The following GRB10 variants were observed in gnomAD, a reference collection of about 807,000 sequenced individuals.
GRB10 encodes growth factor receptor bound protein 10.
Under a neutral mutation model 80.9 loss-of-function variants are expected in GRB10, and 20 were observed. The observed-to-expected ratio is 0.25, with a 90% CI of 0.17 to 0.36. The LOEUF is 0.36. GRB10 is among the 10% of genes least tolerant of loss of function. The probability of loss-of-function intolerance (pLI) is 1.00; values close to 1 mark genes in which losing one functional copy is unlikely to be tolerated. For missense variants in GRB10, 548 were observed against 747.7 expected (o/e 0.73, Z 3.12); for synonymous variants, 291 against 291.5 (o/e 1.00, Z 0.02).
chr7:50,743,411 G>C (rs1393648954), intron 3 of GRB10, among the ~76,000 whole-genome samples: 1 of 152,216 alleles, frequency 6.6e-6, no homozygotes, highest in African/African-American at 2.4e-5. Context: ...TGTTTCAATG[G>C]CTTTGAAACG....
intron 4 of GRB10, among the ~76,000 whole-genome samples, chr7:50,705,658 C>A (rs1351227426): frequency 6.6e-6 from 1 of 152,214 alleles, no homozygotes; most frequent in Non-Finnish European, 1.5e-5. Flanking sequence ...TTATCTTCCA[C>A]ATATTGTGTT....
chr7:50,652,551 T>C (rs1436211673), intron 7 of GRB10, among the ~76,000 whole-genome samples: 2 of 152,038 alleles, frequency 1.3e-5, no homozygotes, highest in Non-Finnish European at 1.5e-5. Flanking sequence ...TTGAGGGAGA[T>C]GGCCATACAG....
chr7:50,701,173 A>G (rs1452595021), intron 5 of GRB10, among the ~76,000 whole-genome samples: 2 of 152,116 alleles, frequency 1.3e-5, no homozygotes, highest in African/African-American at 4.8e-5. Context: ...TCTTTTAGTA[A>G]TTACAGTCAA....
rs2075025628 is a variant in GRB10 at position 50,756,026 on chromosome 7, T to C, written c.-186A>G. On this transcript the variant is annotated 5_prime_UTR_variant, in exon 3 of 19. Transcript: ENST00000401949. Reference sequence around the variant, plus strand: ...CAGTCACTGGGCCTGCAGCTGCTGCTTCCTGCTCAGCATTGTGGTCAGCGC... The same window carrying C: ...CAGTCACTGGGCCTGCAGCTGCTGCCTCCTGCTCAGCATTGTGGTCAGCGC... 1 of 398,740 alleles carries C rather than the reference T, an allele frequency of 2.5e-6. No individual in the cohort carries two copies. Among genetic ancestry groups the C allele is most frequent in the African/African-American group, 2.1e-5 (1 of 48,766 alleles). The allele number at this position is 398,740 out of a possible 1,614,324, so 24.7% of individuals were successfully genotyped here.
intron 2 of GRB10, among the ~76,000 whole-genome samples, chr7:50,767,917 T>C (rs191500831): frequency 5.9e-5 from 9 of 152,250 alleles, no homozygotes; most frequent in Admixed American, 2.0e-4. Context: ...GGGAGACCAG[T>C]TGAGGAAGCA....
chr7:50,610,717 A>G (rs555184002), intron 13 of GRB10, among the ~76,000 whole-genome samples: 2 of 152,218 alleles, frequency 1.3e-5, no homozygotes, highest in Non-Finnish European at 2.9e-5. Context: ...ACAAACAGTA[A>G]AGTGATAAAG....
chr7:50,640,277 G>C (rs1399074374), intron 7 of GRB10, among the ~76,000 whole-genome samples: 2 of 152,218 alleles, frequency 1.3e-5, no homozygotes, highest in Non-Finnish European at 2.9e-5. Flanking sequence ...CCCCAAATGG[G>C]CTATGTGCCA....
chr7:50,749,134 G>T (rs7803430), intron 3 of GRB10, among the ~76,000 whole-genome samples: 36,718 of 137,744 alleles, frequency 0.27, 7,568 homozygotes, highest in African/African-American at 0.54. Flanking sequence ...TTTTTTGTTT[G>T]TTTTTTTTTT....
At chr7:50,672,724 C>T (rs2060493660) in intron 6 of GRB10, among the ~76,000 whole-genome samples, 1 of 152,204 alleles carries the variant, frequency 6.6e-6, no homozygotes, top group African/African-American at 2.4e-5. Context: ...GGCCTTCTGG[C>T]TTTCCAGCCC....
rs962836217 is a variant in GRB10 at position 50,652,829 on chromosome 7, C to T, written c.504+16893G>A. On this transcript the variant is annotated intron_variant, in intron 7 of 18. Transcript: ENST00000401949. ...GCCTCATCCTTTGGCTTATTGCACA[C>T]CAGGTTTAGTTTGACTCAGAATTAT... Among the ~76,000 whole-genome samples the T allele has an allele frequency of 9.9e-5, 15 of 152,282 alleles. No individual in the cohort carries two copies. The East Asian group carries it at 1.4e-3, about 14-fold the overall frequency.
chr7:50,617,540 G>A (rs1480304488), intron 10 of GRB10, among the ~76,000 whole-genome samples: 1 of 152,328 alleles, frequency 6.6e-6, no homozygotes, highest in South Asian at 2.1e-4. Flanking sequence ...GAGGTGGGGA[G>A]AGACCAGGTT....
chr7:50,771,968 CA>C (rs1400434095), intron 2 of GRB10, among the ~76,000 whole-genome samples: 2 of 152,136 alleles, frequency 1.3e-5, no homozygotes, highest in Non-Finnish European at 2.9e-5. Flanking sequence ...AGCCAAAATC[CA>C]CCCTGAAAAG....
At chr7:50,605,982 A>G (rs1225689443) in intron 14 of GRB10, among the ~76,000 whole-genome samples, 1 of 152,206 alleles carries the variant, frequency 6.6e-6, no homozygotes, top group East Asian at 1.9e-4. Flanking sequence ...AATAGTCAAC[A>G]GTTCCCATGG....
chr7:50,790,920 T>C (rs1431758025), intron 1 of GRB10, among the ~76,000 whole-genome samples: 3 of 152,282 alleles, frequency 2.0e-5, no homozygotes, highest in Non-Finnish European at 4.4e-5. Context: ...ACTCTTCGAG[T>C]CTGACTCTGC....
chr7:50,709,352 C>T (rs975444238), intron 4 of GRB10, among the ~76,000 whole-genome samples: 1 of 152,340 alleles, frequency 6.6e-6, no homozygotes, highest in East Asian at 1.9e-4. Context: ...CATCGACCAA[C>T]AGCTGGTCCT....
intron 5 of GRB10, among the ~76,000 whole-genome samples, chr7:50,689,642 C>T (rs548409208): frequency 6.6e-6 from 1 of 152,104 alleles, no homozygotes; most frequent in Non-Finnish European, 1.5e-5. Context: ...TGCAAATGTG[C>T]ACACAGTGTC....
intron 13 of GRB10, among the ~76,000 whole-genome samples, chr7:50,611,982 A>G (rs1420305082): frequency 1.3e-5 from 2 of 152,206 alleles, no homozygotes; most frequent in African/African-American, 4.8e-5. Context: ...GATATGGTAT[A>G]TGTGCACAGA....
intron 4 of GRB10, among the ~76,000 whole-genome samples, chr7:50,712,236 T>G (rs1308062594): frequency 6.6e-6 from 1 of 152,242 alleles, no homozygotes; most frequent in Non-Finnish European, 1.5e-5. Flanking sequence ...GCCATTTTTC[T>G]CACCCAAAGT....
rs755085802 is a variant in GRB10, at chr7:50,604,090, G to A, written c.1457-5C>T. ...AGTGCTGTGTCCTGTGAATCACTGT[G>A]GGGGGAAGACAGGAGGAGGGTAGGA... On this transcript the variant is annotated splice_polypyrimidine_tract_variant and splice_region_variant and intron_variant, in intron 16 of 18. Coordinates refer to ENST00000401949, the MANE Select transcript of GRB10 (RefSeq NM_001350814.2). 14 of 1,610,460 alleles carry A rather than the reference G, an allele frequency of 8.7e-6. No individual in the cohort carries two copies. Among genetic ancestry groups the A allele is most frequent in the East Asian group, 2.2e-5 (1 of 44,880 alleles).
Sources: allele counts gnomAD v4.1 joint callset (sites outside exome capture counted in the v4.1 genomes callset), GRCh38; gene constraint gnomAD v4.1.1; transcripts MANE v1.5; gene names NCBI Gene and HGNC (gene_info 2026-07-23, HGNC 2026-07-21).